Variants in TTN observed in about 807,000 individuals in gnomAD.
TTN encodes titin.
In TTN, 1,525 loss-of-function variants were observed where a neutral mutation model predicts 3,223.0. That is an observed-to-expected ratio of 0.47 (90% CI 0.45 to 0.49). The LOEUF is 0.49. Ranked by LOEUF, TTN falls within the 20% of genes least tolerant of loss-of-function variation. The pLI is 0.00. For missense variants in TTN, 40,786 were observed against 43,424.0 expected (o/e 0.94, Z 5.40); for synonymous variants, 14,094 against 15,161.0 (o/e 0.93, Z 5.17).
At chr2:178,667,912 A>G (rs1211039202) in intron 159 of TTN, among the ~76,000 whole-genome samples, 191 bp from the exon 160 acceptor site, 1 of 152,136 alleles carries the variant, frequency 6.6e-6, no homozygotes, top group East Asian at 1.9e-4. Flanking sequence ...GACTCTAAGC[A>G]TTTCTCTATG....
Position 178,538,711 on chromosome 2 carries a change from A to C in TTN, c.99118T>G (p.Ser33040Ala). Residue 33040 changes from serine to alanine, a missense_variant, in exon 354 of 363, where the codon TCT becomes GCT. Physicochemically the swap from Ser to Ala is moderately conservative, Grantham distance 99. Transcript: ENST00000589042. The stretch of plus-strand genomic sequence containing the variant: ...CTCTTCTTCCAGGCACTGTCTCCAG[A>C]CTGTCTATATTCAACCCAGTATCCA... ...ILGYWVEYRQ[S>A]GDSAWKKSNK... is the part of the protein sequence containing the mutation. 1 of 1,613,712 alleles carries C rather than the reference A, an allele frequency of 6.2e-7. No individual in the cohort carries two copies. The highest frequency in any genetic ancestry group is 8.5e-7 in the Non-Finnish European group (1 of 1,179,726).
In TTN at chr2:178,718,617, T is replaced by C. The variant is rs2154299621; in HGVS notation, c.24506-17A>G. The C allele has an allele frequency of 1.2e-6, 2 of 1,605,548 alleles. No homozygotes were observed. The highest frequency in any genetic ancestry group is 8.5e-7 in the Non-Finnish European group (1 of 1,175,268). On this transcript the variant is annotated splice_polypyrimidine_tract_variant and intron_variant, in intron 84 of 362. Coordinates refer to ENST00000589042, the MANE Select transcript of TTN (RefSeq NM_001267550.2). The stretch of plus-strand genomic sequence containing the variant: ...TGGCTGGTTCTATAAGGAGAAAACA[T>C]GTGGGTAAAATTCTTGCCTTCTAAT...
Position 178,757,876 on chromosome 2 carries a change from C to A in TTN, c.10344G>T (p.Trp3448Cys). 1 of 1,534,170 alleles carries A rather than the reference C, an allele frequency of 6.5e-7. No homozygotes were observed. Residue 3448 changes from tryptophan (W) to cysteine (C), a missense_variant, in exon 45 of 363, where the codon TGG becomes TGT. By Grantham distance (215) the Trp-to-Cys change is radical. Transcript: ENST00000589042. ...TAAATGAAACTGATAAAGAGACATG[C>A]CATTGGGAGTTTGATGTATTTTCTT... The part of the protein sequence containing the change: ...KFEENTSNSQ[W>C]HVSLSVSFKK...
rs1484446680 is a variant in TTN at position 178,715,657 on chromosome 2, T to A, written c.25757A>T (p.Asp8586Val). The A allele has an allele frequency of 6.2e-7, 1 of 1,613,320 alleles. No homozygotes were observed. The highest frequency in any genetic ancestry group is 1.1e-5 in the South Asian group (1 of 91,014). Residue 8586 changes from aspartate (D) to valine (V), a missense_variant, in exon 89 of 363, where the codon GAC becomes GTC. By Grantham distance (152) the Asp-to-Val change is radical. Transcript: ENST00000589042. ...SPEIKVLWYK[D>V]ETEIQESSKF... ...ACTGCTCTCTTGAATTTCAGTCTCG[T>A]CCTTATACCATAAAACTTTGATTTC...
Position 178,559,516 on chromosome 2 carries a change from A to G in TTN, c.86616T>C (p.Asp28872=), listed in dbSNP as rs552702894. 8 of 1,613,812 alleles carry G rather than the reference A, an allele frequency of 5.0e-6. No individual in the cohort carries two copies. The Admixed American group carries it at 5.0e-5, about 10-fold the overall frequency. Residue 28872 remains aspartate (D), a synonymous_variant, in exon 326 of 363, where the codon GAT becomes GAC. Coordinates refer to ENST00000589042, the MANE Select transcript of TTN (RefSeq NM_001267550.2). ...GGTAATTCTTCACTGGTGCTCCACC[A>G]TCGTTTTCAGGAACATCCCAGGATA... ...AVLSWDVPEN[D]GGAPVKNYHI... is the part of the protein sequence containing the mutation.
In TTN at chr2:178,748,191, G is replaced by A; in HGVS notation, c.11311+4933C>T. The A allele has an allele frequency of 2.5e-6, 4 of 1,613,090 alleles. No individual in the cohort carries two copies. The South Asian group carries it at 3.3e-5, about 13-fold the overall frequency. ...TCTTCTATATCTGCAGATGAGGTTG[G>A]AAGTAGGGCACATGATTCACTATAG... On this transcript the variant is annotated intron_variant, in intron 47 of 362. Transcript: ENST00000589042.
At position 178,564,578 on chromosome 2, in the gene TTN, T is replaced by A. The variant is rs756828159; in HGVS notation, c.81554A>T (p.Asn27185Ile). 1 of 1,613,512 alleles carries A rather than the reference T, an allele frequency of 6.2e-7. No homozygotes were observed. Among genetic ancestry groups the A allele is most frequent in the South Asian group, 1.1e-5 (1 of 91,068 alleles). ...GRPEAIVITRNNVTLKWKKPA... is the reference protein window; with the variant it reads ...GRPEAIVITRINVTLKWKKPA... ...TTTCTTCCATTTCAGTGTGACATTG[T>A]TTCTTGTAATAACAATGGCTTCAGG... The change falls in exon 326 of 363, where the codon AAC becomes ATC. Residue 27185 changes from asparagine (N) to isoleucine (I), a missense_variant. Asn to Ile is a moderately radical substitution (Grantham distance 149). Coordinates refer to ENST00000589042, the MANE Select transcript of TTN (RefSeq NM_001267550.2).
At position 178,581,780 on chromosome 2, in the gene TTN, G is replaced by A. The variant is rs752183879; in HGVS notation, c.66488C>T (p.Pro22163Leu). 4 of 1,599,986 alleles carry A rather than the reference G, an allele frequency of 2.5e-6. No homozygotes were observed. Among genetic ancestry groups the A allele is most frequent in the Admixed American group, 3.5e-5 (2 of 57,622 alleles). Residue 22163 changes from proline to leucine, a missense_variant, in exon 316 of 363, where the codon CCT (proline) becomes CTT (leucine). Transcript: ENST00000589042. ...GCTGCGAGTTGTATCATATACTTTA[G>A]GGAAAGCCGGTGGGCCAGGAGGATC... ...PQYPPGPPAF[P>L]KVYDTTRSSV...
At chr2:178,782,472 G>T in intron 19 of TTN, 45 bp from the exon 20 acceptor site, 1 of 1,613,746 alleles carries the variant, frequency 6.2e-7, no homozygotes, top group South Asian at 1.1e-5. Context: ...GTTGCAATTT[G>T]CCAATACTGG....
At position 178,767,611 on chromosome 2, in the gene TTN, A is replaced by G. The variant is rs1483269996; in HGVS notation, c.9471+148T>C. ...AAACTGTGACTAAATTGAGGTCAGC[A>G]TAAGAGAGTCTAAGCCAAGTAAGAA... is the stretch of plus-strand genomic sequence containing the variant. On this transcript the variant is annotated intron_variant, in intron 40 of 362. Coordinates refer to ENST00000589042, the MANE Select transcript of TTN (RefSeq NM_001267550.2). 3 of 1,126,628 alleles carry G rather than the reference A, an allele frequency of 2.7e-6. No homozygotes were observed. In the Admixed American group the frequency reaches 5.8e-5, roughly 22 times the overall value. The allele number at this position is 1,126,628 out of a possible 1,614,324, so 69.8% of individuals were successfully genotyped here.
rs369566893 is a variant in TTN, at chr2:178,748,688, G to A, written c.11311+4436C>T. 171 of 1,612,564 alleles carry A rather than the reference G, an allele frequency of 1.1e-4. No individual in the cohort carries two copies. Among genetic ancestry groups the A allele is most frequent in the Non-Finnish European group, 1.3e-4 (159 of 1,179,272 alleles). On this transcript the variant is annotated intron_variant, in intron 47 of 362. Transcript: ENST00000589042. ...AAACTGCTTTAAGTCAAATGTAATA[G>A]GTGATTCATGTTCAGCTCTTTTAGA...
Position 178,704,512 on chromosome 2 carries a change from A to T in TTN, c.29960T>A (p.Ile9987Asn), listed in dbSNP as rs376644553. Residue 9987 changes from isoleucine (I) to asparagine (N), a missense_variant and splice_region_variant, in exon 105 of 363, where the codon ATT becomes AAT. Transcript: ENST00000589042. ...PHIASAKLTV[I>N]EPAWERHLQD... ...TTCATAAGCCTTTTCTAACTTACCAATTACAGTTAGTTTAGCGCTAGCGAT... is the reference window on the plus strand; with the variant it reads ...TTCATAAGCCTTTTCTAACTTACCATTTACAGTTAGTTTAGCGCTAGCGAT... The T allele has an allele frequency of 1.1e-5, 17 of 1,603,260 alleles. No homozygotes were observed. In the African/African-American group the frequency reaches 1.9e-4, roughly 18 times the overall value.
chr2:178,794,282 G>C (rs2093656406), intron 8 of TTN, 117 bp downstream of exon 8: 1 of 1,482,452 alleles, frequency 6.7e-7, no homozygotes, highest in Non-Finnish European at 9.3e-7. Context: ...CTGGGCTCAA[G>C]GCTGTCTTCA....
rs766227814 is a variant in TTN at position 178,568,510 on chromosome 2, A to G, written c.77622T>C (p.Asn25874=). 6.8e-6 allele frequency: 11 copies of G among 1,613,424 alleles called. No individual in the cohort carries two copies. The highest frequency in any genetic ancestry group is 6.7e-5 in the Admixed American group (4 of 59,978). Residue 25874 remains asparagine, a synonymous_variant, in exon 326 of 363, where the codon AAT becomes AAC. Transcript: ENST00000589042. ...DGGQYGITVA[N]VVGQKTASIE... Reference sequence around the variant, plus strand: ...TGGATGCTGTCTTCTGACCAACAACATTGGCAACTGTGATTCCATATTGTC... The same window carrying G: ...TGGATGCTGTCTTCTGACCAACAACGTTGGCAACTGTGATTCCATATTGTC...
Position 178,731,418 on chromosome 2 carries a change from T to A in TTN, c.17348A>T (p.Asn5783Ile). The A allele has an allele frequency of 6.2e-7, 1 of 1,613,822 alleles. No individual in the cohort carries two copies. Residue 5783 changes from asparagine (N) to isoleucine (I), a missense_variant, in exon 59 of 363, where the codon AAT (asparagine) becomes ATT (isoleucine). Transcript: ENST00000589042. ...DDNIRMTFEN[N>I]VASLYLSGIE... is the part of the protein sequence containing the mutation. ...GCCACTGAGGTACAAACTGGCCACA[T>A]TGTTCTCAAAGGTCATTCTTATATT...
At position 178,677,304 on chromosome 2, in the gene TTN, T is replaced by G; in HGVS notation, c.34292-17A>C. 8.8e-7 allele frequency: 1 copy of G among 1,142,382 alleles called. No homozygotes were observed. The highest frequency in any genetic ancestry group is 1.1e-6 in the Non-Finnish European group (1 of 948,036). The allele number at this position is 1,142,382 out of a possible 1,614,324, so 70.8% of individuals were successfully genotyped here. ...CTTCAGGCACTTAAAAACATTTCAT[T>G]TGAAGGCATTAAAAACCACATATAC... On this transcript the variant is annotated splice_polypyrimidine_tract_variant and intron_variant, in intron 146 of 362. Coordinates refer to ENST00000589042, the MANE Select transcript of TTN (RefSeq NM_001267550.2).
At chr2:178,582,722 A>G in intron 313 of TTN, 130 bp from the exon 314 acceptor site, 2 of 1,033,786 alleles carry the variant, frequency 1.9e-6, no homozygotes, top group Non-Finnish European at 2.6e-6. Flanking sequence ...TTAATTTTTT[A>G]GAATCTTAGT....
In TTN at chr2:178,717,678, A is replaced by G. The variant is rs2077698375; in HGVS notation, c.25196T>C (p.Leu8399Pro). The G allele has an allele frequency of 1.2e-6, 2 of 1,613,510 alleles. No individual in the cohort carries two copies. The highest frequency in any genetic ancestry group is 1.7e-6 in the Non-Finnish European group (2 of 1,179,630). Residue 8399 changes from leucine (L) to proline (P), a missense_variant, in exon 87 of 363, where the codon CTT (leucine) becomes CCT (proline). By Grantham distance (98) the Leu-to-Pro change is moderately conservative. Coordinates refer to ENST00000589042, the MANE Select transcript of TTN (RefSeq NM_001267550.2). ...LQVSWYKDGV[L>P]LKDDANLQTS... ...CTGCAAATTAGCATCATCTTTCAAA[A>G]GAACCCCATCCTTGTACCAAGACAC...
chr2:178,564,212 A>G lies in TTN; in HGVS notation c.81920T>C (p.Val27307Ala), dbSNP rs760826563. The G allele has an allele frequency of 1.2e-6, 2 of 1,613,616 alleles. No homozygotes were observed. Among genetic ancestry groups the G allele is most frequent in the East Asian group, 2.2e-5 (1 of 44,862 alleles). ...TTCTTTTCCATCTTTTGACCAAACA[A>G]CATCAGGTATAGGTTTGCCACGGAT... ...ADIRGKPIPD[V>A]VWSKDGKELE... is the part of the protein sequence containing the mutation. Residue 27307 changes from valine to alanine, a missense_variant, in exon 326 of 363, where the codon GTT becomes GCT. Transcript: ENST00000589042.
Sources: allele counts gnomAD v4.1 joint callset (sites outside exome capture counted in the v4.1 genomes callset), GRCh38; gene constraint gnomAD v4.1.1; transcripts MANE v1.5; gene names NCBI Gene and HGNC (gene_info 2026-07-23, HGNC 2026-07-21).